Variants in LUZP2 observed in about 807,000 individuals in gnomAD.
LUZP2 encodes the protein leucine zipper protein 2.
In LUZP2, 52 loss-of-function variants were observed where a neutral mutation model predicts 51.6. That is an observed-to-expected ratio of 1.01 (90% CI 0.81 to 1.27). LUZP2 has a LOEUF of 1.27. Ranked by LOEUF, LUZP2 falls within the 50% of genes most tolerant of loss-of-function variation. LUZP2 has a pLI of 0.00. For missense variants in LUZP2, 436 were observed against 395.4 expected, an observed-to-expected ratio of 1.10 and a Z score of -0.87; for synonymous variants, 154 against 137.3, an observed-to-expected ratio of 1.12 and a Z score of -0.85.
rs143835642 is a variant in LUZP2, at chr11:25,015,131, T to C, written c.765+31838T>C. Among the ~76,000 whole-genome samples, 3 of 152,286 alleles carry C rather than the reference T, an allele frequency of 2.0e-5. No individual in the cohort carries two copies. The East Asian group carries it at 5.8e-4, about 29-fold the overall frequency. The stretch of plus-strand genomic sequence containing the variant: ...TTTAGAAAATGTTATTAATATTATA[T>C]TGAGTAGTTGCGATTTATTTAGTCA... On this transcript the variant is annotated intron_variant, in intron 9 of 11. Transcript: ENST00000336930.
intron 10 of LUZP2, among the ~76,000 whole-genome samples, chr11:25,067,167 C>T (rs926146263): frequency 1.3e-5 from 2 of 151,876 alleles, no homozygotes; most frequent in African/African-American, 4.8e-5. Context: ...GAGACTGAGT[C>T]ATTTTAAAAA....
At chr11:25,072,752 T>C (rs537740218) in intron 10 of LUZP2, among the ~76,000 whole-genome samples, 1 of 152,180 alleles carries the variant, frequency 6.6e-6, no homozygotes, top group African/African-American at 2.4e-5. Flanking sequence ...AGTAAGCCCA[T>C]TGGTTTAATT....
At chr11:24,915,052 G>A (rs547138977) in intron 7 of LUZP2, among the ~76,000 whole-genome samples, 9 of 152,100 alleles carry the variant, frequency 5.9e-5, no homozygotes, top group East Asian at 1.9e-4. Context: ...TAAAATATGA[G>A]ATATATTGTA....
chr11:24,904,833 TA>T (rs1004096672), intron 5 of LUZP2, among the ~76,000 whole-genome samples: 10 of 152,114 alleles, frequency 6.6e-5, no homozygotes, highest in South Asian at 2.1e-4. Context: ...TTAAATGGAC[TA>T]AAAAAAGACT....
At chr11:24,733,751 A>T (rs879548472) in intron 3 of LUZP2, among the ~76,000 whole-genome samples, 322 of 140,968 alleles carry the variant, frequency 2.3e-3, no homozygotes, top group Non-Finnish European at 3.8e-3. Flanking sequence ...TTAAAAAAAA[A>T]TTTTAAAAAA....
At chr11:24,802,657 C>T (rs1213174562) in intron 5 of LUZP2, among the ~76,000 whole-genome samples, 1 of 151,832 alleles carries the variant, frequency 6.6e-6, no homozygotes. Flanking sequence ...CTCCCCATTC[C>T]CCATCTCCCC....
intron 1 of LUZP2, among the ~76,000 whole-genome samples, chr11:24,628,563 T>C (rs1324016047): frequency 5.3e-5 from 8 of 152,140 alleles, no homozygotes; most frequent in Non-Finnish European, 7.4e-5. Flanking sequence ...ATTTTATTTA[T>C]CTTTTTATTT....
chr11:24,602,901 C>A (rs575539612), intron 1 of LUZP2, among the ~76,000 whole-genome samples: 1 of 151,358 alleles, frequency 6.6e-6, no homozygotes, highest in Non-Finnish European at 1.5e-5. Context: ...TCACAAAGAA[C>A]GAAAATTACT....
intron 1 of LUZP2, among the ~76,000 whole-genome samples, chr11:24,622,383 T>G (rs7933378): frequency 0.43 from 64,950 of 151,520 alleles, 13,975 homozygotes; most frequent in Middle Eastern, 0.48. Context: ...GCGGTGTTTG[T>G]TTTTTTGTCC....
intron 5 of LUZP2, among the ~76,000 whole-genome samples, chr11:24,801,755 G>A (rs56950576): frequency 0.019 from 2,904 of 150,924 alleles, 94 homozygotes; most frequent in African/African-American, 0.067. Flanking sequence ...TTTATTTATT[G>A]TTTTTTCTTA....
At chr11:24,556,079 A>T (rs1196084833) in intron 1 of LUZP2, among the ~76,000 whole-genome samples, 1 of 152,204 alleles carries the variant, frequency 6.6e-6, no homozygotes, top group Non-Finnish European at 1.5e-5. Context: ...TTTAGTCTCT[A>T]TATGAGTGAC....
At chr11:24,642,253 A>AGATAGTGT (rs1340894171) in intron 1 of LUZP2, among the ~76,000 whole-genome samples, 1 of 151,860 alleles carries the variant, frequency 6.6e-6, no homozygotes, top group Non-Finnish European at 1.5e-5. Context: ...AGAGTTACAC[A>AGATAGTGT]ACAATTAGAC....
chr11:24,662,429 A>G (rs1856053589), intron 1 of LUZP2, among the ~76,000 whole-genome samples: 1 of 152,162 alleles, frequency 6.6e-6, no homozygotes, highest in Admixed American at 6.6e-5. Flanking sequence ...TAAAGGAATT[A>G]TAATATGATT....
At chr11:24,960,014 G>A (rs1855344543) in intron 7 of LUZP2, among the ~76,000 whole-genome samples, 1 of 152,124 alleles carries the variant, frequency 6.6e-6, no homozygotes, top group Admixed American at 6.5e-5. Context: ...TAATCATGTG[G>A]TTTTTGTCTT....
At chr11:24,708,458 A>C (rs2133925238) in intron 1 of LUZP2, among the ~76,000 whole-genome samples, 1 of 152,240 alleles carries the variant, frequency 6.6e-6, no homozygotes, top group East Asian at 1.9e-4. Flanking sequence ...CCTCTTGTAT[A>C]TCATTATTGC....
intron 1 of LUZP2, among the ~76,000 whole-genome samples, chr11:24,676,307 T>C (rs761092117): frequency 4.6e-5 from 7 of 152,296 alleles, no homozygotes; most frequent in Admixed American, 1.3e-4. Context: ...AATGACTCCA[T>C]TGATGTAGCT....
chr11:24,976,933 T>C (rs1855897676), intron 8 of LUZP2, among the ~76,000 whole-genome samples: 1 of 151,784 alleles, frequency 6.6e-6, no homozygotes. Context: ...GTATATTTAT[T>C]CCATAATACC....
chr11:24,904,320 C>T (rs932832365), intron 5 of LUZP2, among the ~76,000 whole-genome samples: 4 of 151,926 alleles, frequency 2.6e-5, no homozygotes, highest in Admixed American at 6.6e-5. Context: ...TCTTGCTCTG[C>T]CACCCAGGCT....
chr11:24,985,762 C>T (rs1856170796), intron 9 of LUZP2, among the ~76,000 whole-genome samples: 1 of 151,636 alleles, frequency 6.6e-6, no homozygotes, highest in African/African-American at 2.4e-5. Flanking sequence ...GGGTTTCTGT[C>T]ATAAAACCAA....
Sources: allele counts gnomAD v4.1 joint callset (sites outside exome capture counted in the v4.1 genomes callset), GRCh38; gene constraint gnomAD v4.1.1; transcripts MANE v1.5; gene names NCBI Gene and HGNC (gene_info 2026-07-23, HGNC 2026-07-21).